RECQL4: variants seen among roughly 807,000 people sequenced by gnomAD.
RECQL4 encodes ATP-dependent DNA helicase Q4.
Under a neutral mutation model 128.6 loss-of-function variants are expected in RECQL4, and 158 were observed. The observed-to-expected ratio is 1.23, with a 90% CI of 1.08 to 1.40. The LOEUF is 1.40. RECQL4 is among the 40% of genes most tolerant of loss of function. RECQL4 has a pLI of 0.00. For missense variants in RECQL4, 2,293 were observed against 1,649.8 expected (o/e 1.39, Z -6.75); for synonymous variants, 996 against 678.9 (o/e 1.47, Z -7.26).
Position 144,512,954 on chromosome 8 carries a change from T to TCAGC in RECQL4, c.2644_2647dup (p.Glu883GlyfsTer2), listed in dbSNP as rs2130670737. The TCAGC allele has an allele frequency of 6.4e-7, 1 of 1,573,658 alleles. No homozygotes were observed. Among genetic ancestry groups the TCAGC allele is most frequent in the East Asian group, 2.3e-5 (1 of 42,652 alleles). ...TGGGGCTGCTTGGTGGCTAAGCTGCTCAGCCTCTTGAGGGGGGTACTTGGG... is the reference window on the plus strand; with the variant it reads ...TGGGGCTGCTTGGTGGCTAAGCTGCTCAGCCAGCCTCTTGAGGGGGGTACTTGGG... On this transcript the variant is annotated stop_gained and frameshift_variant, in exon 15 of 21. Transcript: ENST00000617875. LOFTEE classifies it high-confidence loss of function.
rs34134064 is a variant in RECQL4 at position 144,515,854 on chromosome 8, AAC to A, written c.1166_1167del (p.Cys389PhefsTer33). ...GTGACTGTGGCACCACCACCCCCAA[AAC>A]ACTCCCCTTTCTTCCGCCACTTCTG... ...WKQKWRKKGE[C>X]FGGGGATVTT... On this transcript the variant is annotated frameshift_variant, in exon 6 of 21. Transcript: ENST00000617875. LOFTEE classifies it high-confidence loss of function. The A allele has an allele frequency of 1.2e-5, 19 of 1,612,716 alleles. No homozygotes were observed. The Admixed American group carries it at 2.5e-4, about 21-fold the overall frequency.
rs754458310 is a variant in RECQL4 at position 144,513,553 on chromosome 8, G to C, written c.2200+18C>G. ...CCAAGGTGGGTCCACGGGGACACCA[G>C]CTCTGTCCATGCCGCACCTCCAGAC... On this transcript the variant is annotated intron_variant, in intron 13 of 20. Coordinates refer to ENST00000617875, the MANE Select transcript of RECQL4 (RefSeq NM_004260.4). 5.6e-6 allele frequency: 9 copies of C among 1,611,002 alleles called. No individual in the cohort carries two copies. The South Asian group carries it at 8.8e-5, about 16-fold the overall frequency.
In RECQL4 at chr8:144,513,588, C is replaced by G; in HGVS notation, c.2183G>C (p.Trp728Ser). 2 of 1,610,138 alleles carry G rather than the reference C, an allele frequency of 1.2e-6. No individual in the cohort carries two copies. Among genetic ancestry groups the G allele is most frequent in the South Asian group, 1.1e-5 (1 of 90,602 alleles). The change falls in exon 13 of 21, where the codon TGG becomes TCG. Residue 728 changes from tryptophan to serine, a missense_variant. Trp to Ser is a radical substitution (Grantham distance 177, BLOSUM62 -3). Transcript: ENST00000617875. ...ALLRTCLHAA[W>S]VPGSGGRAPK... ...TGCCGCACCTCCAGACCCTGGGACC[C>G]AGGCTGCGTGCAGGCAGGTTCGGAG... is the stretch of plus-strand genomic sequence containing the variant.
chr8:144,512,830 T>TA lies in RECQL4; in HGVS notation c.2755+16dup, dbSNP rs35544622. The TA allele has an allele frequency of 7.5e-4, 1,211 of 1,607,870 alleles. 9 individuals carry two copies. In the African/African-American group the frequency reaches 0.015, roughly 20 times the overall value. On this transcript the variant is annotated intron_variant, in intron 15 of 20. Coordinates refer to ENST00000617875, the MANE Select transcript of RECQL4 (RefSeq NM_004260.4). ...ACAGCCCCTCCACACCCCTGTGGCT[T>TA]ACCCCAGGTTCCTCACCCTCCTCCG...
intron 12 of RECQL4, 38 bp from the exon 13 acceptor site, chr8:144,513,750 GGA>G: frequency 6.6e-7 from 1 of 1,503,900 alleles, no homozygotes; most frequent in Non-Finnish European, 8.9e-7. Flanking sequence ...TGGGGAGTGA[GGA>G]GGGGTCGGCG....
Position 144,516,392 on chromosome 8 carries a change from G to T in RECQL4, c.727C>A (p.Gln243Lys). 1 of 1,609,782 alleles carries T rather than the reference G, an allele frequency of 6.2e-7. No homozygotes were observed. ...GSQGPEASAF[Q>K]EVSIRVGSPQ... ...CTCCCCACACGGATGCTGACTTCTTGGAAGGCTGAAGCCTCTGGGCCCTGG... is the reference window on the plus strand; with the variant it reads ...CTCCCCACACGGATGCTGACTTCTTTGAAGGCTGAAGCCTCTGGGCCCTGG... Residue 243 changes from glutamine to lysine, a missense_variant, in exon 5 of 21, where the codon CAA becomes AAA. Physicochemically the swap from Gln to Lys is moderately conservative, Grantham distance 53. Coordinates refer to ENST00000617875, the MANE Select transcript of RECQL4 (RefSeq NM_004260.4).
In RECQL4 at chr8:144,517,801, C is replaced by G; in HGVS notation, c.-17G>C. The G allele has an allele frequency of 8.3e-7, 1 of 1,208,656 alleles. No individual in the cohort carries two copies. The highest frequency in any genetic ancestry group is 1.0e-6 in the Non-Finnish European group (1 of 969,064). 74.9% of individuals were successfully genotyped at this position (1,208,656 alleles called of 1,614,324 possible). On this transcript the variant is annotated 5_prime_UTR_variant, in exon 1 of 21. Transcript: ENST00000617875. ...CCGCTCCATGGCGCGCGCGCCCGCCCGGCCTCCGCGCTTGCGATCGTCCAG... is the reference window on the plus strand; with the variant it reads ...CCGCTCCATGGCGCGCGCGCCCGCCGGGCCTCCGCGCTTGCGATCGTCCAG...
chr8:144,511,855 C>CA, intron 19 of RECQL4, 56 bp downstream of exon 19: 1 of 1,610,454 alleles, frequency 6.2e-7, no homozygotes. Flanking sequence ...GAGCAAGCCC[C>CA]ATGCAGCCCA....
Position 144,513,567 on chromosome 8 carries a change from G to A in RECQL4, c.2200+4C>T, listed in dbSNP as rs776670526. The A allele has an allele frequency of 2.8e-5, 45 of 1,610,126 alleles. No individual in the cohort carries two copies. Among genetic ancestry groups the A allele is most frequent in the African/African-American group, 2.0e-4 (15 of 74,908 alleles). ...CGGGGACACCAGCTCTGTCCATGCC[G>A]CACCTCCAGACCCTGGGACCCAGGC... On this transcript the variant is annotated splice_donor_region_variant and intron_variant, in intron 13 of 20. Coordinates refer to ENST00000617875, the MANE Select transcript of RECQL4 (RefSeq NM_004260.4).
Position 144,514,436 on chromosome 8 carries a change from C to A in RECQL4, c.1704+6G>T, listed in dbSNP as rs747653079. 8.7e-6 allele frequency: 14 copies of A among 1,611,172 alleles called. No individual in the cohort carries two copies. In the Middle Eastern group the frequency reaches 8.3e-4, roughly 95 times the overall value. On this transcript the variant is annotated splice_donor_region_variant and intron_variant, in intron 10 of 20. Coordinates refer to ENST00000617875, the MANE Select transcript of RECQL4 (RefSeq NM_004260.4). ...TCCCTCACCCCTAGGCCCATGAGGC[C>A]CCCACCTTCTGCAGGACAGATTCCC...
rs201106179 is a variant in RECQL4, at chr8:144,513,084, G to A, written c.2518C>T (p.Leu840=). 3.6e-5 allele frequency: 56 copies of A among 1,576,714 alleles called. No homozygotes were observed. The highest frequency in any genetic ancestry group is 3.4e-4 in the Middle Eastern group (2 of 5,958). ...RHVHADSTDF[L]AVKRLVQRVF... is the part of the protein sequence containing the mutation. ...CGCTGTACCAGCCTCTTCACAGCCA[G>A]GAAGTCCGTGCTGTCGGCGTGCACA... The change falls in exon 15 of 21, where the codon CTG becomes TTG. Residue 840 remains leucine, a synonymous_variant. Coordinates refer to ENST00000617875, the MANE Select transcript of RECQL4 (RefSeq NM_004260.4).
At position 144,512,663 on chromosome 8, in the gene RECQL4, T is replaced by C. The variant is rs1827473213; in HGVS notation, c.2864A>G (p.Gln955Arg). 5 of 1,612,518 alleles carry C rather than the reference T, an allele frequency of 3.1e-6. No individual in the cohort carries two copies. In the East Asian group the frequency reaches 6.7e-5, roughly 22 times the overall value. Residue 955 changes from glutamine (Q) to arginine (R), a missense_variant, in exon 16 of 21, where the codon CAG (glutamine) becomes CGG (arginine). Coordinates refer to ENST00000617875, the MANE Select transcript of RECQL4 (RefSeq NM_004260.4). ...CRLNCPGGPA[Q>R]LQALAHRCPP... is the part of the protein sequence containing the mutation. ...TTACCTGTGGGCCAGGGCCTGGAGC[T>C]GGGCAGGGCCCCCAGGGCAGTTCAG...
chr8:144,516,002 G>A lies in RECQL4; in HGVS notation c.1117C>T (p.Leu373Phe), dbSNP rs370125881. Reference sequence around the variant, plus strand: ...CGCTGTCTTACCTGCTTGCGGAGGAGCCTGCTACGGAGTGCCCGGCCCCGC... The same window carrying A: ...CGCTGTCTTACCTGCTTGCGGAGGAACCTGCTACGGAGTGCCCGGCCCCGC... ...YVRGRALRSR[L>F]LRKQAWKQKW... is the part of the protein sequence containing the mutation. The change falls in exon 5 of 21, where the codon CTC becomes TTC. Residue 373 changes from leucine to phenylalanine, a missense_variant. Transcript: ENST00000617875. 95 of 1,609,306 alleles carry A rather than the reference G, an allele frequency of 5.9e-5. No individual in the cohort carries two copies. The African/African-American group carries it at 8.9e-4, about 15-fold the overall frequency.
chr8:144,513,102 C>A lies in RECQL4; in HGVS notation c.2500G>T (p.Ala834Ser). The part of the protein sequence containing the change: ...DLRELRRHVH[A>S]DSTDFLAVKR... ...ACAGCCAGGAAGTCCGTGCTGTCGGCGTGCACATGTCTGCGCAGCTCTCGC... is the reference window on the plus strand; with the variant it reads ...ACAGCCAGGAAGTCCGTGCTGTCGGAGTGCACATGTCTGCGCAGCTCTCGC... The change falls in exon 15 of 21, where the codon GCC (alanine) becomes TCC (serine). Residue 834 changes from alanine to serine, a missense_variant. By Grantham distance (99) the Ala-to-Ser change is moderately conservative (BLOSUM62 1). Transcript: ENST00000617875. 6.4e-7 allele frequency: 1 copy of A among 1,567,872 alleles called. No homozygotes were observed. Among genetic ancestry groups the A allele is most frequent in the Non-Finnish European group, 8.7e-7 (1 of 1,155,236 alleles).
In RECQL4 at chr8:144,515,894, G is replaced by A. The variant is rs1447501632; in HGVS notation, c.1132-4C>T. Reference sequence around the variant, plus strand: ...TCCGCCACTTCTGCTTCCATGCCTGGGGGGTGCCCACATAGGAGGGTCACT... The same window carrying A: ...TCCGCCACTTCTGCTTCCATGCCTGAGGGGTGCCCACATAGGAGGGTCACT... On this transcript the variant is annotated splice_polypyrimidine_tract_variant and splice_region_variant and intron_variant, in intron 5 of 20. Coordinates refer to ENST00000617875, the MANE Select transcript of RECQL4 (RefSeq NM_004260.4). 13 of 1,612,874 alleles carry A rather than the reference G, an allele frequency of 8.1e-6. No homozygotes were observed. The highest frequency in any genetic ancestry group is 1.1e-5 in the Non-Finnish European group (13 of 1,179,808).
chr8:144,514,463 T>C lies in RECQL4; in HGVS notation c.1683A>G (p.Gln561=), dbSNP rs1332576218. Residue 561 remains glutamine, a synonymous_variant, in exon 10 of 21, where the codon CAA becomes CAG. Coordinates refer to ENST00000617875, the MANE Select transcript of RECQL4 (RefSeq NM_004260.4). The stretch of plus-strand genomic sequence containing the variant: ...CCACCTTCTGCAGGACAGATTCCCG[T>C]TGCTTCCTGGTCATGCCCGAGTGTA... The part of the protein sequence containing the change: ...ACIHSGMTRK[Q]RESVLQKIRA... 5 of 1,612,156 alleles carry C rather than the reference T, an allele frequency of 3.1e-6. No homozygotes were observed. The highest frequency in any genetic ancestry group is 4.5e-5 in the East Asian group (2 of 44,884).
chr8:144,515,525 C>T, intron 6 of RECQL4, 68 bp from the exon 7 acceptor site: 1 of 1,606,002 alleles, frequency 6.2e-7, no homozygotes, highest in African/African-American at 1.3e-5. Flanking sequence ...GCCACAACCT[C>T]TCCTTCCCCC....
At position 144,513,714 on chromosome 8, in the gene RECQL4, T is replaced by C; in HGVS notation, c.2059-2A>G. 3 of 1,538,242 alleles carry C rather than the reference T, an allele frequency of 2.0e-6. No individual in the cohort carries two copies. The highest frequency in any genetic ancestry group is 2.6e-6 in the Non-Finnish European group (3 of 1,142,314). On this transcript the variant is annotated splice_acceptor_variant, in intron 12 of 20. Transcript: ENST00000617875. LOFTEE classifies it high-confidence loss of function. ...GCCTTGCAGCAGCGTCAACAGTGCC[T>C]GATGAGGAGCGGTTGGCGTGGGCAG... is the stretch of plus-strand genomic sequence containing the variant.
rs62530445 is a variant in RECQL4 at position 144,517,102 on chromosome 8, G to A, written c.302C>T (p.Ser101Leu). 5 of 1,612,286 alleles carry A rather than the reference G, an allele frequency of 3.1e-6. No individual in the cohort carries two copies. The South Asian group carries it at 3.3e-5, about 11-fold the overall frequency. The change falls in exon 4 of 21, where the codon TCG becomes TTG. Residue 101 changes from serine (S) to leucine (L), a missense_variant. Transcript: ENST00000617875. Reference sequence around the variant, plus strand: ...GAGCCGCTGCCCGTAGTCCGGCACCGAGCCCTGGCGGCTCCGCCCTGGCGT... The same window carrying A: ...GAGCCGCTGCCCGTAGTCCGGCACCAAGCCCTGGCGGCTCCGCCCTGGCGT... ...QSTPGRSRQG[S>L]VPDYGQRLKA...
Sources: gnomAD v4.1 joint callset for allele counts on GRCh38, gnomAD v4.1.1 for gene constraint, MANE v1.5 for transcripts, NCBI Gene and HGNC (gene_info 2026-07-23, HGNC 2026-07-21) for gene names.